Variants in AGBL4 observed in about 807,000 individuals in gnomAD.
AGBL4 encodes the protein cytosolic carboxypeptidase 6.
Under a neutral mutation model 66.4 loss-of-function variants are expected in AGBL4, and 58 were observed. That is an observed-to-expected ratio of 0.87 (90% confidence interval 0.71 to 1.09). The LOEUF is 1.09. AGBL4 is among the 50% of genes least tolerant of loss of function. The pLI, the probability that AGBL4 is intolerant of heterozygous loss-of-function variation, is 0.00. For synonymous variants in AGBL4, 234 were observed against 222.9 expected (o/e 1.05, Z -0.44); for missense variants, 579 against 631.0 (o/e 0.92, Z 0.88).
At chr1:49,412,744 G>A (rs1435305910) in intron 3 of AGBL4, among the ~76,000 whole-genome samples, 2 of 152,240 alleles carry the variant, frequency 1.3e-5, no homozygotes, top group African/African-American at 4.8e-5. Context: ...GTAGATAATA[G>A]TTGAAGTTTA....
chr1:49,933,060 T>C (rs1207434576), intron 1 of AGBL4, among the ~76,000 whole-genome samples: 1 of 152,092 alleles, frequency 6.6e-6, no homozygotes, highest in African/African-American at 2.4e-5. Flanking sequence ...GACATCCAGA[T>C]TTATGAAGCC....
chr1:49,936,101 T>C (rs1653978735), intron 1 of AGBL4, among the ~76,000 whole-genome samples: 1 of 152,034 alleles, frequency 6.6e-6, no homozygotes, highest in Non-Finnish European at 1.5e-5. Flanking sequence ...ACAATTTAGA[T>C]GAATGTATAA....
intron 5 of AGBL4, among the ~76,000 whole-genome samples, chr1:48,879,637 T>TTTAGTG (rs1449422003): frequency 6.6e-6 from 1 of 152,176 alleles, no homozygotes; most frequent in Non-Finnish European, 1.5e-5. Context: ...TATAAAAAAT[T>TTTAGTG]TTAGTGAACA....
intron 3 of AGBL4, among the ~76,000 whole-genome samples, chr1:49,489,010 T>G (rs1438723769): frequency 6.6e-6 from 1 of 151,976 alleles, no homozygotes; most frequent in African/African-American, 2.4e-5. Flanking sequence ...TGCAGATATA[T>G]TTTTGATATA....
At chr1:49,738,752 T>A (rs547103237) in intron 2 of AGBL4, among the ~76,000 whole-genome samples, 198 of 152,290 alleles carry the variant, frequency 1.3e-3, no homozygotes, top group African/African-American at 4.5e-3. Context: ...TTCACCAATA[T>A]CTGCTGTTCT....
chr1:48,637,725 T>C (rs755663557), intron 8 of AGBL4, among the ~76,000 whole-genome samples: 3 of 152,242 alleles, frequency 2.0e-5, no homozygotes, highest in Non-Finnish European at 2.9e-5. Context: ...CCAGTTTCTG[T>C]GTGATTCTGT....
At chr1:49,747,944 T>TTGTG (rs4012953) in intron 2 of AGBL4, among the ~76,000 whole-genome samples, 3,813 of 147,480 alleles carry the variant, frequency 0.026, 61 homozygotes, top group East Asian at 0.059. Flanking sequence ...GTGTGTGTGT[T>TTGTG]TGTGTGTGTG....
chr1:49,874,804 T>C (rs1412832320), intron 1 of AGBL4, among the ~76,000 whole-genome samples: 4 of 152,094 alleles, frequency 2.6e-5, no homozygotes, highest in African/African-American at 4.8e-5. Context: ...GTTATTTCTA[T>C]TATTTTTTTG....
At chr1:48,978,360 AG>A (rs949958249) in intron 5 of AGBL4, among the ~76,000 whole-genome samples, 1 of 152,300 alleles carries the variant, frequency 6.6e-6, no homozygotes. Context: ...ACTGGAAGGC[AG>A]TAGGAGGAGA....
intron 3 of AGBL4, among the ~76,000 whole-genome samples, chr1:49,468,206 A>C (rs1420909561): frequency 6.6e-6 from 1 of 151,810 alleles, no homozygotes; most frequent in Non-Finnish European, 1.5e-5. Context: ...AAGGTCCTGA[A>C]ACCAATCCAT....
intron 11 of AGBL4, among the ~76,000 whole-genome samples, chr1:48,566,503 G>T (rs1644477757): frequency 6.6e-6 from 1 of 152,182 alleles, no homozygotes; most frequent in African/African-American, 2.4e-5. Context: ...AAGACTTTGG[G>T]TCAAACCCAA....
intron 1 of AGBL4, among the ~76,000 whole-genome samples, chr1:49,860,097 T>G (rs1646531342): frequency 6.6e-6 from 1 of 152,202 alleles, no homozygotes; most frequent in Non-Finnish European, 1.5e-5. Context: ...ACAAACCTTG[T>G]GAATGGATTG....
At chr1:49,126,699 T>C (rs1645771286) in intron 4 of AGBL4, among the ~76,000 whole-genome samples, 1 of 152,144 alleles carries the variant, frequency 6.6e-6, no homozygotes, top group Non-Finnish European at 1.5e-5. Flanking sequence ...TTGGTAGTAA[T>C]GTTGTCCAGC....
intron 3 of AGBL4, among the ~76,000 whole-genome samples, chr1:49,308,567 G>A (rs571097056): frequency 1.3e-5 from 2 of 152,108 alleles, no homozygotes; most frequent in East Asian, 3.9e-4. Context: ...AATATAGAAT[G>A]AGGACCATAT....
chr1:49,703,792 G>C (rs1193447061), intron 2 of AGBL4, among the ~76,000 whole-genome samples: 1 of 151,958 alleles, frequency 6.6e-6, no homozygotes, highest in Non-Finnish European at 1.5e-5. Flanking sequence ...CTTACTTACA[G>C]ATGAGAGTGT....
intron 5 of AGBL4, among the ~76,000 whole-genome samples, chr1:48,975,849 C>A (rs529769583): frequency 1.3e-5 from 2 of 152,244 alleles, no homozygotes; most frequent in East Asian, 3.9e-4. Flanking sequence ...AAGAAATCTG[C>A]ATGGCACGCT....
At chr1:48,743,404 T>C (rs1209992313) in intron 6 of AGBL4, among the ~76,000 whole-genome samples, 1 of 152,242 alleles carries the variant, frequency 6.6e-6, no homozygotes, top group East Asian at 1.9e-4. Flanking sequence ...TAAATGGTGA[T>C]AGTTTCTAAA....
intron 6 of AGBL4, among the ~76,000 whole-genome samples, chr1:48,816,077 G>GTT (rs1331891308): frequency 1.3e-5 from 2 of 150,106 alleles, no homozygotes; most frequent in African/African-American, 5.0e-5. Flanking sequence ...GTGTGTGTGT[G>GTT]TGTGTGTGTG....
chr1:50,016,676 CA>C (rs1366461514), intron 1 of AGBL4, among the ~76,000 whole-genome samples: 2 of 152,178 alleles, frequency 1.3e-5, no homozygotes, highest in African/African-American at 4.8e-5. Flanking sequence ...ATGCGGCCAA[CA>C]AGCATATGAT....
Sources: gnomAD v4.1 joint callset for allele counts (sites outside exome capture counted in the v4.1 genomes callset) on GRCh38, gnomAD v4.1.1 for gene constraint, MANE v1.5 for transcripts, NCBI Gene and HGNC (gene_info 2026-07-23, HGNC 2026-07-21) for gene names.